The following RIGI variants were observed in gnomAD, a reference collection of about 807,000 sequenced individuals.
RIGI encodes the protein RNA sensor RIG-I.
At chr9:32,482,791 G>A in the RIGI span, among the ~76,000 whole-genome samples, 1 of 151,874 alleles carries the variant, frequency 6.6e-6, no homozygotes, top group African/African-American at 2.4e-5. Context: ...CCCAGGAGAC[G>A]GAGGTTGCAG....
chr9:32,486,795 T>C, the RIGI span, among the ~76,000 whole-genome samples: 1 of 152,274 alleles, frequency 6.6e-6, no homozygotes, highest in South Asian at 2.1e-4. Context: ...GAAATTCATA[T>C]GTGACACTGA....
the RIGI span, chr9:32,498,169 C>T: frequency 2.4e-6 from 1 of 410,042 alleles, no homozygotes; most frequent in Non-Finnish European, 5.0e-6. Flanking sequence ...GTGGGTCTGG[C>T]CAGTCTATGA....
the RIGI span, among the ~76,000 whole-genome samples, chr9:32,506,413 A>T: frequency 6.6e-6 from 1 of 152,184 alleles, no homozygotes; most frequent in African/African-American, 2.4e-5. Flanking sequence ...AAAACAGACC[A>T]AACAAACAAA....
chr9:32,494,743 T>C, the RIGI span, among the ~76,000 whole-genome samples: 3 of 152,336 alleles, frequency 2.0e-5, no homozygotes, highest in African/African-American at 7.2e-5. Context: ...CTGACTACTT[T>C]AGATAATCTA....
At chr9:32,520,814 TGTGGTGGCTCAGGCTGGGC>T in the RIGI span, among the ~76,000 whole-genome samples, 1 of 148,692 alleles carries the variant, frequency 6.7e-6, no homozygotes, top group South Asian at 2.2e-4. Flanking sequence ...GATGGCTGGG[TGTGGTGGCTCAGGCTGGGC>T]GTGGTGGCTC....
chr9:32,499,919 TTGAG>T, the RIGI span, among the ~76,000 whole-genome samples: 1 of 152,194 alleles, frequency 6.6e-6, no homozygotes. Context: ...CATGTCCAGC[TTGAG>T]TTTGTTCGGC....
chr9:32,492,666 C>T, the RIGI span: 1 of 1,073,940 alleles, frequency 9.3e-7, no homozygotes, highest in Non-Finnish European at 1.3e-6. Context: ...CTCAGTGGGT[C>T]ATATCCATGA....
the RIGI span, among the ~76,000 whole-genome samples, chr9:32,462,560 C>A: frequency 6.6e-6 from 1 of 152,008 alleles, no homozygotes; most frequent in African/African-American, 2.4e-5. Flanking sequence ...AGGCAGGTGC[C>A]ACCACATCCA....
the RIGI span, among the ~76,000 whole-genome samples, chr9:32,501,537 T>G: frequency 6.6e-5 from 10 of 152,018 alleles, no homozygotes; most frequent in Non-Finnish European, 7.4e-5. Context: ...AGGAAGGAAG[T>G]AAGGGATACT....
At chr9:32,522,609 C>G in the RIGI span, among the ~76,000 whole-genome samples, 3 of 152,126 alleles carry the variant, frequency 2.0e-5, no homozygotes, top group African/African-American at 7.2e-5. Context: ...TAGGCCCATC[C>G]AGCTGTGATA....
the RIGI span, among the ~76,000 whole-genome samples, chr9:32,512,384 T>C: frequency 6.6e-6 from 1 of 152,212 alleles, no homozygotes; most frequent in African/African-American, 2.4e-5. Flanking sequence ...TCAGGTCTGC[T>C]TCATCCCTGG....
the RIGI span, among the ~76,000 whole-genome samples, chr9:32,499,819 A>G: frequency 6.6e-6 from 1 of 152,070 alleles, no homozygotes; most frequent in Non-Finnish European, 1.5e-5. Context: ...CAGCAGCGCC[A>G]TCATAGCTCA....
the RIGI span, among the ~76,000 whole-genome samples, chr9:32,465,600 AGATT>A: frequency 5.3e-5 from 8 of 152,044 alleles, no homozygotes; most frequent in Non-Finnish European, 7.4e-5. Flanking sequence ...TTACATGAGG[AGATT>A]GATTATTTAA....
chr9:32,476,476 G>A, the RIGI span, among the ~76,000 whole-genome samples: 5 of 152,044 alleles, frequency 3.3e-5, no homozygotes, highest in Non-Finnish European at 7.4e-5. Flanking sequence ...CTGCATTCCA[G>A]CCTAGGTGAC....
At chr9:32,495,652 C>A in the RIGI span, among the ~76,000 whole-genome samples, 7 of 144,348 alleles carry the variant, frequency 4.8e-5, no homozygotes, top group East Asian at 1.5e-3. Context: ...CTATTCAAGT[C>A]CTTTGCCTTT....
chr9:32,519,459 G>C, the RIGI span, among the ~76,000 whole-genome samples: 1 of 152,144 alleles, frequency 6.6e-6, no homozygotes, highest in Non-Finnish European at 1.5e-5. Flanking sequence ...ATGAACTAGA[G>C]AGCTATAAGA....
chr9:32,513,041 C>G, the RIGI span, among the ~76,000 whole-genome samples: 1 of 151,894 alleles, frequency 6.6e-6, no homozygotes, highest in Non-Finnish European at 1.5e-5. Context: ...TCAAGGAGAA[C>G]TACAAACCAC....
At chr9:32,501,337 AAAAAAAAAAT>A in the RIGI span, among the ~76,000 whole-genome samples, 2 of 147,844 alleles carry the variant, frequency 1.4e-5, no homozygotes, top group Non-Finnish European at 3.0e-5. Context: ...AAAAAAAAAA[AAAAAAAAAAT>A]TTTTTTAATT....
chr9:32,476,472 T>C, the RIGI span, among the ~76,000 whole-genome samples: 1 of 151,900 alleles, frequency 6.6e-6, no homozygotes, highest in Non-Finnish European at 1.5e-5. Context: ...ACCACTGCAT[T>C]CCAGCCTAGG....
Sources: allele counts gnomAD v4.1 joint callset (sites outside exome capture counted in the v4.1 genomes callset), GRCh38; gene constraint gnomAD v4.1.1; transcripts MANE v1.5; gene names NCBI Gene and HGNC (gene_info 2026-07-23, HGNC 2026-07-21).